The following AUTS2 variants were observed in gnomAD, a reference collection of about 807,000 sequenced individuals.
AUTS2 encodes activator of transcription and developmental regulator AUTS2, also known as autism susceptibility gene 2 protein.
AUTS2 carries 17 observed loss-of-function variants against 112.4 expected under a neutral mutation model. The ratio of observed to expected loss-of-function variants is 0.15; its 90% CI spans 0.10 to 0.23. The LOEUF is 0.23. Among genes scored for constraint, AUTS2 ranks in the 10% least tolerant of loss-of-function variants. The probability of loss-of-function intolerance (pLI) is 1.00; values close to 1 mark genes in which losing one functional copy is unlikely to be tolerated. For synonymous variants in AUTS2, 751 were observed against 702.7 expected (o/e 1.07, Z -1.09); for missense variants, 1,510 against 1,701.6 (o/e 0.89, Z 1.98).
intron 5 of AUTS2, among the ~76,000 whole-genome samples, chr7:70,470,579 A>C (rs973687144): frequency 6.6e-6 from 1 of 152,198 alleles, no homozygotes; most frequent in Non-Finnish European, 1.5e-5. Flanking sequence ...CATCTGGCTC[A>C]TCCCTGGACG....
At chr7:70,552,021 G>T (rs1801034155) in intron 5 of AUTS2, among the ~76,000 whole-genome samples, 1 of 152,166 alleles carries the variant, frequency 6.6e-6, no homozygotes, top group African/African-American at 2.4e-5. Flanking sequence ...CTGCCTCTCT[G>T]AGCAAGTTAA....
chr7:70,506,583 A>G (rs1191240439), intron 5 of AUTS2, among the ~76,000 whole-genome samples: 1 of 152,100 alleles, frequency 6.6e-6, no homozygotes, highest in Admixed American at 6.6e-5. Context: ...AGAGGGAGAG[A>G]GAATAATTAT....
chr7:70,092,446 G>C (rs1803969562), intron 2 of AUTS2, among the ~76,000 whole-genome samples: 1 of 152,110 alleles, frequency 6.6e-6, no homozygotes. Flanking sequence ...TCCATATACT[G>C]GAAGTCCTGC....
chr7:70,426,668 A>G (rs537691028), intron 4 of AUTS2, among the ~76,000 whole-genome samples: 1 of 152,286 alleles, frequency 6.6e-6, no homozygotes, highest in Non-Finnish European at 1.5e-5. Flanking sequence ...ATATCCTTTT[A>G]TCTTAAAGTA....
intron 4 of AUTS2, among the ~76,000 whole-genome samples, chr7:70,277,386 G>A (rs2129609875): frequency 6.6e-6 from 1 of 152,352 alleles, no homozygotes; most frequent in African/African-American, 2.4e-5. Flanking sequence ...GTGATCAGGA[G>A]TGTTAATACT....
chr7:70,363,612 T>C (rs1279467786), intron 4 of AUTS2, among the ~76,000 whole-genome samples: 1 of 152,150 alleles, frequency 6.6e-6, no homozygotes, highest in Non-Finnish European at 1.5e-5. Context: ...TTGCTGTTTA[T>C]TTTTATCCCA....
At chr7:70,246,770 T>A (rs1812945117) in intron 4 of AUTS2, among the ~76,000 whole-genome samples, 1 of 152,142 alleles carries the variant, frequency 6.6e-6, no homozygotes, top group Admixed American at 6.5e-5. Context: ...CATTGTTTAT[T>A]GGATAATTTA....
In AUTS2 at chr7:70,506,876, G is replaced by A. The variant is rs115848091; in HGVS notation, c.690+71095G>A. Among the ~76,000 whole-genome samples, 1,324 of 152,312 alleles carry A rather than the reference G, an allele frequency of 8.7e-3. 20 individuals carry two copies. Among genetic ancestry groups the A allele is most frequent in the African/African-American group, 0.03 (1,248 of 41,550 alleles). On this transcript the variant is annotated intron_variant, in intron 5 of 18. Transcript: ENST00000342771. Reference sequence around the variant, plus strand: ...CCCAACCTACTCTGGGCCATGTGGAGTCCCCTCTGTGCCTTTCAAGTCTTC... The same window carrying A: ...CCCAACCTACTCTGGGCCATGTGGAATCCCCTCTGTGCCTTTCAAGTCTTC...
chr7:69,923,595 C>G (rs1371795898), intron 2 of AUTS2, among the ~76,000 whole-genome samples: 1 of 152,168 alleles, frequency 6.6e-6, no homozygotes, highest in Non-Finnish European at 1.5e-5. Context: ...CGAACAAGGT[C>G]TATCTCTCTA....
At chr7:70,084,816 T>C (rs1215414716) in intron 2 of AUTS2, among the ~76,000 whole-genome samples, 3 of 152,218 alleles carry the variant, frequency 2.0e-5, no homozygotes, top group Admixed American at 6.5e-5. Flanking sequence ...GTGTTGTTTG[T>C]CTTTTTATTC....
chr7:70,782,193 A>C (rs1480746088), intron 15 of AUTS2: 1 of 157,618 alleles, frequency 6.3e-6, no homozygotes, highest in Non-Finnish European at 1.4e-5. Context: ...CCGTGTTTTA[A>C]AGTCCTGAGG....
intron 1 of AUTS2, among the ~76,000 whole-genome samples, chr7:69,606,543 T>C (rs1248217033): frequency 6.6e-6 from 1 of 152,246 alleles, no homozygotes; most frequent in Admixed American, 6.5e-5. Context: ...GCAGCCTAAC[T>C]TTGTAAAAGT....
At chr7:70,416,095 A>C (rs1398695010) in intron 4 of AUTS2, among the ~76,000 whole-genome samples, 1 of 152,134 alleles carries the variant, frequency 6.6e-6, no homozygotes, top group African/African-American at 2.4e-5. Flanking sequence ...TTGTGCTGGC[A>C]TGCAGGTGTG....
At chr7:70,718,253 C>T (rs749607199) in intron 6 of AUTS2, among the ~76,000 whole-genome samples, 6 of 152,306 alleles carry the variant, frequency 3.9e-5, no homozygotes, top group Non-Finnish European at 7.3e-5. Flanking sequence ...TGCCTCCTTC[C>T]CCGGCCGGCC....
chr7:70,713,586 A>C (rs1432267337), intron 6 of AUTS2, among the ~76,000 whole-genome samples: 1 of 152,192 alleles, frequency 6.6e-6, no homozygotes, highest in African/African-American at 2.4e-5. Context: ...AAAATTAGCT[A>C]GAGGACTTGT....
At chr7:70,641,551 C>CA (rs974794038) in intron 5 of AUTS2, among the ~76,000 whole-genome samples, 3 of 151,370 alleles carry the variant, frequency 2.0e-5, no homozygotes, top group Non-Finnish European at 2.9e-5. Flanking sequence ...GACTCCATCT[C>CA]AAAAAAAAGA....
intron 1 of AUTS2, among the ~76,000 whole-genome samples, chr7:69,623,437 G>T (rs147370844): frequency 3.1e-3 from 328 of 104,816 alleles, no homozygotes; most frequent in African/African-American, 0.012. Context: ...TCACCATGTT[G>T]CCCAGGCTGG....
intron 12 of AUTS2, 125 bp downstream of exon 12, chr7:70,774,224 T>C: frequency 1.1e-6 from 1 of 871,272 alleles, no homozygotes; most frequent in Non-Finnish European, 1.8e-6. Flanking sequence ...GCTGTTCTTC[T>C]AGTTTGTGGA....
At chr7:70,757,464 G>T (rs187700198) in intron 6 of AUTS2, among the ~76,000 whole-genome samples, 4 of 152,150 alleles carry the variant, frequency 2.6e-5, no homozygotes, top group Admixed American at 2.6e-4. Flanking sequence ...TTTCAATTTA[G>T]TTGACAGGAA....
Sources: gnomAD v4.1 joint callset for allele counts (sites outside exome capture counted in the v4.1 genomes callset) on GRCh38, gnomAD v4.1.1 for gene constraint, MANE v1.5 for transcripts, NCBI Gene and HGNC (gene_info 2026-07-23, HGNC 2026-07-21) for gene names.